The following STOX2 variants were observed in gnomAD, a reference collection of about 807,000 sequenced individuals.
STOX2 encodes the protein storkhead-box protein 2.
A neutral mutation model predicts 60.9 loss-of-function variants in STOX2; 28 were observed. The ratio of observed to expected loss-of-function variants is 0.46; its 90% CI spans 0.34 to 0.63. The LOEUF (loss-of-function observed/expected upper bound fraction) is 0.63, where lower values mean the gene tolerates loss of function less well. Among genes scored for constraint, STOX2 ranks in the 30% least tolerant of loss-of-function variants. The pLI is 0.01. For missense variants in STOX2, 1,024 were observed against 1,187.7 expected, an observed-to-expected ratio of 0.86 and a Z score of 2.03; for synonymous variants, 472 against 463.9, an observed-to-expected ratio of 1.02 and a Z score of -0.22.
In STOX2 at chr4:183,853,137, G is replaced by A. The variant is rs115337292; in HGVS notation, c.364+55082G>A. Among the ~76,000 whole-genome samples, 666 of 152,270 alleles carry A rather than the reference G, an allele frequency of 4.4e-3. 4 individuals are homozygous for A. The highest frequency in any genetic ancestry group is 0.016 in the African/African-American group (651 of 41,554). On this transcript the variant is annotated intron_variant, in intron 1 of 2. Transcript: ENST00000513034. Reference sequence around the variant, plus strand: ...TCAAGGTGAAATGAAATCAAAGTAAGGCATTTCCTCCTTGTTCTGGCATCT... The same window carrying A: ...TCAAGGTGAAATGAAATCAAAGTAAAGCATTTCCTCCTTGTTCTGGCATCT...
At chr4:183,890,079 G>T (rs567794323) in intron 1 of STOX2, among the ~76,000 whole-genome samples, 43 of 152,288 alleles carry the variant, frequency 2.8e-4, no homozygotes, top group African/African-American at 9.9e-4. Flanking sequence ...TTAAAATACA[G>T]GTCTAGCTCC....
chr4:183,956,844 T>C (rs1158676594), intron 1 of STOX2, among the ~76,000 whole-genome samples: 1 of 152,060 alleles, frequency 6.6e-6, no homozygotes, highest in Non-Finnish European at 1.5e-5. Context: ...ATGAAACTGA[T>C]TTTTTCGAGC....
intron 1 of STOX2, among the ~76,000 whole-genome samples, chr4:183,944,428 G>T (rs1742833348): frequency 1.3e-5 from 2 of 152,142 alleles, no homozygotes; most frequent in African/African-American, 4.8e-5. Context: ...AAAATATATG[G>T]GTGAGAGCTG....
intron 1 of STOX2, among the ~76,000 whole-genome samples, chr4:183,959,353 G>A (rs1743348681): frequency 6.6e-6 from 1 of 152,166 alleles, no homozygotes; most frequent in Non-Finnish European, 1.5e-5. Flanking sequence ...TCAAAAAGGT[G>A]ATATTCGTGA....
At chr4:183,943,818 A>C (rs1264915257) in intron 1 of STOX2, among the ~76,000 whole-genome samples, 1 of 152,214 alleles carries the variant, frequency 6.6e-6, no homozygotes, top group Non-Finnish European at 1.5e-5. Flanking sequence ...CGGAGGTTGC[A>C]GTTGGCTGAG....
chr4:183,883,373 G>A (rs1460364848), intron 1 of STOX2, among the ~76,000 whole-genome samples: 1 of 149,430 alleles, frequency 6.7e-6, no homozygotes, highest in African/African-American at 2.5e-5. Flanking sequence ...AGGCTGGAGT[G>A]CAGTGGCGCG....
At chr4:183,809,141 G>T (rs1738976351) in intron 1 of STOX2, among the ~76,000 whole-genome samples, 1 of 152,272 alleles carries the variant, frequency 6.6e-6, no homozygotes, top group South Asian at 2.1e-4. Context: ...GAGTACAGTG[G>T]TGTGATCACG....
intron 1 of STOX2, among the ~76,000 whole-genome samples, chr4:183,867,859 A>G (rs908747004): frequency 6.6e-6 from 1 of 152,228 alleles, no homozygotes; most frequent in African/African-American, 2.4e-5. Context: ...GCAATTCACT[A>G]CAAGTGCCAA....
chr4:183,929,784 G>C (rs1199297512), intron 1 of STOX2, among the ~76,000 whole-genome samples: 1 of 152,204 alleles, frequency 6.6e-6, no homozygotes, highest in African/African-American at 2.4e-5. Context: ...CAGCTGTTTT[G>C]TTGATGTTAT....
At chr4:183,863,362 TGA>T (rs1308385813) in intron 1 of STOX2, among the ~76,000 whole-genome samples, 1 of 152,214 alleles carries the variant, frequency 6.6e-6, no homozygotes, top group Non-Finnish European at 1.5e-5. Context: ...AAACGCCAGC[TGA>T]GAGAGCTGCT....
At chr4:183,897,241 G>A (rs183777990) in intron 1 of STOX2, among the ~76,000 whole-genome samples, 1 of 152,274 alleles carries the variant, frequency 6.6e-6, no homozygotes, top group East Asian at 1.9e-4. Context: ...GAAGCTTCTT[G>A]GTTTTCATGG....
chr4:183,891,384 AT>A (rs1741211378), intron 1 of STOX2, among the ~76,000 whole-genome samples: 1 of 126,232 alleles, frequency 7.9e-6, no homozygotes, highest in Admixed American at 7.6e-5. Flanking sequence ...ATATATATAT[AT>A]ATATATATAT....
intron 1 of STOX2, among the ~76,000 whole-genome samples, chr4:183,963,434 C>CTT (rs1276987700): frequency 6.8e-6 from 1 of 147,182 alleles, no homozygotes; most frequent in African/African-American, 2.5e-5. Flanking sequence ...TTCTTTTTTT[C>CTT]TTTTTTTTTT....
upstream of STOX2, among the ~76,000 whole-genome samples, chr4:183,901,331 C>T (rs1417191754): frequency 2.6e-5 from 4 of 152,250 alleles, no homozygotes; most frequent in African/African-American, 4.8e-5. Context: ...ACTTGGGTTG[C>T]GCCCATGTTT....
intron 1 of STOX2, among the ~76,000 whole-genome samples, chr4:183,807,771 G>A (rs138551039): frequency 1.1e-3 from 164 of 152,334 alleles, no homozygotes; most frequent in East Asian, 2.9e-3. Flanking sequence ...CAGGGAGATG[G>A]GAGCATGGGA....
At chr4:183,926,223 ATT>A (rs1176319260) in intron 1 of STOX2, among the ~76,000 whole-genome samples, 1 of 152,208 alleles carries the variant, frequency 6.6e-6, no homozygotes, top group Non-Finnish European at 1.5e-5. Context: ...AAAAGTGCAG[ATT>A]TTAAAAATTA....
intron 1 of STOX2, among the ~76,000 whole-genome samples, chr4:183,853,268 C>A (rs1303203231): frequency 6.6e-6 from 1 of 152,184 alleles, no homozygotes; most frequent in Non-Finnish European, 1.5e-5. Flanking sequence ...CGTTTCAAGT[C>A]AGGTGACAGT....
chr4:183,960,746 G>A (rs1743388454), intron 1 of STOX2, among the ~76,000 whole-genome samples: 1 of 152,144 alleles, frequency 6.6e-6, no homozygotes, highest in Non-Finnish European at 1.5e-5. Context: ...GCTTGGTCAG[G>A]AGGTTTAGTT....
rs112643995 is a variant in STOX2, at chr4:183,885,780, T to A, written c.364+87725T>A. Among the ~76,000 whole-genome samples, 1,512 of 152,344 alleles carry A rather than the reference T, an allele frequency of 9.9e-3. 25 individuals are homozygous for A. Among genetic ancestry groups the A allele is most frequent in the African/African-American group, 0.035 (1,446 of 41,578 alleles). On this transcript the variant is annotated intron_variant, in intron 1 of 2. Transcript: ENST00000513034. Reference sequence around the variant, plus strand: ...AATTTTGTTTTTAAAAGTTCATTGATGATAATTGACCAATAGCCAAATTCC... The same window carrying A: ...AATTTTGTTTTTAAAAGTTCATTGAAGATAATTGACCAATAGCCAAATTCC...
Sources: gnomAD v4.1 joint callset for allele counts (sites outside exome capture counted in the v4.1 genomes callset) on GRCh38, gnomAD v4.1.1 for gene constraint, MANE v1.5 for transcripts, NCBI Gene and HGNC (gene_info 2026-07-23, HGNC 2026-07-21) for gene names.